The following PI15 variants were observed in gnomAD, a reference collection of about 807,000 sequenced individuals.
PI15 encodes peptidase inhibitor 15.
Under a neutral mutation model 31.0 loss-of-function variants are expected in PI15, and 18 were observed. That is an observed-to-expected ratio of 0.58 (90% CI 0.40 to 0.86). The LOEUF is 0.86. Ranked by LOEUF, PI15 falls within the 40% of genes least tolerant of loss-of-function variation. PI15 has a pLI of 0.00. For synonymous variants in PI15, 118 were observed against 119.1 expected, an observed-to-expected ratio of 0.99 and a Z score of 0.06; for missense variants, 282 against 328.1, an observed-to-expected ratio of 0.86 and a Z score of 1.09.
intron 2 of PI15, among the ~76,000 whole-genome samples, chr8:74,830,223 T>C (rs747614680): frequency 6.6e-5 from 10 of 150,446 alleles, no homozygotes; most frequent in Non-Finnish European, 1.3e-4. Context: ...TGGTATGGAG[T>C]GGTGGAAAGG....
intron 2 of PI15, among the ~76,000 whole-genome samples, chr8:74,842,602 C>G (rs571817769): frequency 2.7e-4 from 41 of 152,144 alleles, no homozygotes; most frequent in African/African-American, 7.9e-4. Flanking sequence ...TACCTTATGA[C>G]TTGCTAGAAA....
chr8:74,845,359 A>G lies in PI15; in HGVS notation c.526-23A>G, dbSNP rs773064897. On this transcript the variant is annotated intron_variant, in intron 4 of 5. Coordinates refer to ENST00000260113, the MANE Select transcript of PI15 (RefSeq NM_015886.5). Reference sequence around the variant, plus strand: ...TTGTCTTAGCTCTGACTTCTGTAACAGTTTATTGGTTTATTTTCACAGATG... The same window carrying G: ...TTGTCTTAGCTCTGACTTCTGTAACGGTTTATTGGTTTATTTTCACAGATG... The G allele has an allele frequency of 3.1e-6, 5 of 1,595,742 alleles. No individual in the cohort carries two copies. The East Asian group carries it at 1.1e-4, about 36-fold the overall frequency.
Position 74,843,952 on chromosome 8 carries a change from G to A in PI15, c.274-29G>A, listed in dbSNP as rs537958811. 2.9e-5 allele frequency: 29 copies of A among 1,003,078 alleles called. No individual in the cohort carries two copies. In the East Asian group the frequency reaches 3.1e-4, roughly 11 times the overall value. 62.1% of individuals were successfully genotyped at this position (1,003,078 alleles called of 1,614,324 possible). Reference sequence around the variant, plus strand: ...TTTTTGTTTGTTATCAGCAAATTCCGTAACGCTGAAGATTTTTTTCCCCTA... The same window carrying A: ...TTTTTGTTTGTTATCAGCAAATTCCATAACGCTGAAGATTTTTTTCCCCTA... On this transcript the variant is annotated intron_variant, in intron 2 of 5. Coordinates refer to ENST00000260113, the MANE Select transcript of PI15 (RefSeq NM_015886.5).
chr8:74,839,247 C>G (rs1810911801), intron 2 of PI15, among the ~76,000 whole-genome samples: 1 of 152,138 alleles, frequency 6.6e-6, no homozygotes, highest in African/African-American at 2.4e-5. Flanking sequence ...CTGTGTCTAT[C>G]TCAAACTCTC....
chr8:74,832,506 T>C (rs915463840), intron 2 of PI15, among the ~76,000 whole-genome samples: 1 of 152,032 alleles, frequency 6.6e-6, no homozygotes, highest in Non-Finnish European at 1.5e-5. Flanking sequence ...ACTCAACAAA[T>C]ATGCAAGAAA....
In PI15 at chr8:74,853,297, C is replaced by G. The variant is rs751892223; in HGVS notation, c.*4044C>G. On this transcript the variant is annotated 3_prime_UTR_variant, in exon 6 of 6. Transcript: ENST00000260113. ...CTAAATGAATTGTTAGTGTTGATGG[C>G]TTTAGTAATGCTCCTTTTATTCATT... is the stretch of plus-strand genomic sequence containing the variant. The G allele has an allele frequency of 3.7e-4, 56 of 152,442 alleles. No homozygotes were observed. The highest frequency in any genetic ancestry group is 5.3e-4 in the Non-Finnish European group (36 of 67,934). The allele number at this position is 152,442 out of a possible 1,614,324, so 9.4% of individuals were successfully genotyped here.
intron 2 of PI15, among the ~76,000 whole-genome samples, chr8:74,831,851 G>T (rs1053495758): frequency 6.6e-6 from 1 of 151,948 alleles, no homozygotes; most frequent in Admixed American, 6.6e-5. Context: ...TTCTAAGAGG[G>T]TATGTAGTAC....
rs894504387 is a variant in PI15, at chr8:74,832,603, T to C, written c.273+7081T>C. Among the ~76,000 whole-genome samples, 11 of 152,062 alleles carry C rather than the reference T, an allele frequency of 7.2e-5. 1 individual carries two copies. The East Asian group carries it at 1.5e-3, about 21-fold the overall frequency. On this transcript the variant is annotated intron_variant, in intron 2 of 5. Coordinates refer to ENST00000260113, the MANE Select transcript of PI15 (RefSeq NM_015886.5). The stretch of plus-strand genomic sequence containing the variant: ...TTAAATAGCTGTGAACTTGAGGTAT[T>C]TGCTTGTCTATAAGAATTTCTGAAG...
chr8:74,833,256 G>A (rs1810813665), intron 2 of PI15, among the ~76,000 whole-genome samples: 1 of 151,964 alleles, frequency 6.6e-6, no homozygotes, highest in Non-Finnish European at 1.5e-5. Flanking sequence ...CTGGAAAGTG[G>A]GATGATTGTT....
In PI15 at chr8:74,852,591, T is replaced by C. The variant is rs150718405; in HGVS notation, c.*3338T>C. On this transcript the variant is annotated 3_prime_UTR_variant, in exon 6 of 6. Coordinates refer to ENST00000260113, the MANE Select transcript of PI15 (RefSeq NM_015886.5). ...TGAAAACATTCATTTGAAAGTTCCA[T>C]GCAGCTTTAGCACAGAGTTGACCAA... 6 of 152,270 alleles carry C rather than the reference T, an allele frequency of 3.9e-5. No individual in the cohort carries two copies. The highest frequency in any genetic ancestry group is 6.5e-5 in the Admixed American group (1 of 15,282). The allele number at this position is 152,270 out of a possible 1,614,324, so 9.4% of individuals were successfully genotyped here.
chr8:74,827,597 T>C (rs746983611), intron 2 of PI15, among the ~76,000 whole-genome samples: 1 of 152,156 alleles, frequency 6.6e-6, no homozygotes, highest in Non-Finnish European at 1.5e-5. Flanking sequence ...GTAAGGATAA[T>C]GAATGGCACT....
In PI15 at chr8:74,852,925, C is replaced by T. The variant is rs750529837; in HGVS notation, c.*3672C>T. 1.1e-4 allele frequency: 16 copies of T among 152,028 alleles called. No homozygotes were observed. Among genetic ancestry groups the T allele is most frequent in the Non-Finnish European group, 2.1e-4 (14 of 67,958 alleles). 9.4% of individuals were successfully genotyped at this position (152,028 alleles called of 1,614,324 possible). ...TGACATAGATGGAAGCTCTTACCTA[C>T]CAAAGTGTTTAGGAAGGATAAAGTT... On this transcript the variant is annotated 3_prime_UTR_variant, in exon 6 of 6. Coordinates refer to ENST00000260113, the MANE Select transcript of PI15 (RefSeq NM_015886.5).
At position 74,852,401 on chromosome 8, in the gene PI15, T is replaced by G. The variant is rs1437539822; in HGVS notation, c.*3148T>G. On this transcript the variant is annotated 3_prime_UTR_variant, in exon 6 of 6. Coordinates refer to ENST00000260113, the MANE Select transcript of PI15 (RefSeq NM_015886.5). ...GACACAGTCTTAATGTTTCTGGTTA[T>G]GACAGATAAGTTTGCTCAAAAAATG... 6.6e-6 allele frequency: 1 copy of G among 152,124 alleles called. No individual in the cohort carries two copies. The highest frequency in any genetic ancestry group is 1.5e-5 in the Non-Finnish European group (1 of 67,956). 9.4% of individuals were successfully genotyped at this position (152,124 alleles called of 1,614,324 possible). A position where few individuals can be genotyped will look rare whatever the true frequency, so the allele number is the denominator to read the frequency against.
At chr8:74,828,290 G>T (rs1322876863) in intron 2 of PI15, among the ~76,000 whole-genome samples, 1 of 152,108 alleles carries the variant, frequency 6.6e-6, no homozygotes. Flanking sequence ...AAAGGTGAAG[G>T]AAGAGTGAGG....
chr8:74,826,233 T>A, intron 2 of PI15: 1 of 640,592 alleles, frequency 1.6e-6, no homozygotes, highest in Non-Finnish European at 1.9e-6. Flanking sequence ...GAAAAAGTCT[T>A]GTTAAAATTT....
chr8:74,827,508 G>A (rs1019353280), intron 2 of PI15, among the ~76,000 whole-genome samples: 12 of 152,062 alleles, frequency 7.9e-5, no homozygotes, highest in African/African-American at 1.4e-4. Flanking sequence ...CACATTCTCC[G>A]TGTGAGGTTA....
At chr8:74,844,427 CTGTG>C (rs57644375) in intron 3 of PI15, among the ~76,000 whole-genome samples, 15,027 of 141,516 alleles carry the variant, frequency 0.11, 1,079 homozygotes, top group African/African-American at 0.21. Context: ...TGTGCAGAGG[CTGTG>C]TGTGTGTGTG....
chr8:74,844,162 G>A (rs1472329667), intron 3 of PI15, 63 bp downstream of exon 3: 2 of 802,842 alleles, frequency 2.5e-6, no homozygotes, highest in Non-Finnish European at 2.2e-6. Flanking sequence ...GACTCTAGGA[G>A]GGAATTTCAT....
intron 2 of PI15, among the ~76,000 whole-genome samples, chr8:74,836,354 G>A (rs1586954497): frequency 6.6e-6 from 1 of 152,196 alleles, no homozygotes; most frequent in Non-Finnish European, 1.5e-5. Context: ...TGAAGGAGTA[G>A]TTGATTTGGA....
Sources: gnomAD v4.1 joint callset for allele counts (sites outside exome capture counted in the v4.1 genomes callset) on GRCh38, gnomAD v4.1.1 for gene constraint, MANE v1.5 for transcripts, NCBI Gene and HGNC (gene_info 2026-07-23, HGNC 2026-07-21) for gene names.